The following ACVR2A variants were observed in gnomAD, a reference collection of about 807,000 sequenced individuals.
The protein encoded by ACVR2A is activin A receptor type 2A.
Under a neutral mutation model 61.4 loss-of-function variants are expected in ACVR2A, and 7 were observed. The observed-to-expected ratio is 0.11, with a 90% CI of 0.06 to 0.21. The LOEUF is 0.21. Ranked by LOEUF, ACVR2A falls within the 10% of genes least tolerant of loss-of-function variation. ACVR2A has a pLI of 1.00. For synonymous variants in ACVR2A, 193 were observed against 208.3 expected, an observed-to-expected ratio of 0.93 and a Z score of 0.63; for missense variants, 322 against 621.7, an observed-to-expected ratio of 0.52 and a Z score of 5.13.
In ACVR2A at chr2:147,864,309, A is replaced by C. The variant is rs543062895; in HGVS notation, c.55+19102A>C. On this transcript the variant is annotated intron_variant, in intron 1 of 10. Coordinates refer to ENST00000241416, the MANE Select transcript of ACVR2A (RefSeq NM_001616.5). Reference sequence around the variant, plus strand: ...CAGTGGCGCGATGTCGGCTCACTGCAACCTCCACCTCCCAGTTTCAAGCAA... The same window carrying C: ...CAGTGGCGCGATGTCGGCTCACTGCCACCTCCACCTCCCAGTTTCAAGCAA... Among the ~76,000 whole-genome samples, 8 of 152,224 alleles carry C rather than the reference A, an allele frequency of 5.3e-5. No homozygotes were observed. In the South Asian group the frequency reaches 1.7e-3, roughly 32 times the overall value.
At chr2:147,920,188 A>G in intron 7 of ACVR2A, 42 bp from the exon 8 acceptor site, 2 of 1,326,806 alleles carry the variant, frequency 1.5e-6, no homozygotes, top group African/African-American at 1.5e-5. Context: ...TTAAAAAGGT[A>G]ACTAGTTTAA....
Position 147,845,128 on chromosome 2 carries a change from C to T in ACVR2A, c.-25C>T, listed in dbSNP as rs1558955747. 2.5e-5 allele frequency: 40 copies of T among 1,607,470 alleles called. No individual in the cohort carries two copies. Among genetic ancestry groups the T allele is most frequent in the Non-Finnish European group, 3.3e-5 (39 of 1,176,980 alleles). The stretch of plus-strand genomic sequence containing the variant: ...ACTGGATATCTAGCGAGAACTTCCT[C>T]CGGATTCCCCGGCGCCTCGGGAAAA... On this transcript the variant is annotated 5_prime_UTR_variant, in exon 1 of 11. Transcript: ENST00000241416.
rs1317080991 is a variant in ACVR2A at position 147,920,339 on chromosome 2, G to A, written c.1072G>A (p.Gly358Arg). Reference protein sequence around the residue: ...EAGKSAGDTHGQVGTRRYMAP... With the variant: ...EAGKSAGDTHRQVGTRRYMAP... ...TGGCAAGTCTGCAGGCGATACCCAT[G>A]GACAGGTAAGGATGATGATTATAAA... Residue 358 changes from glycine (G) to arginine (R), a missense_variant, in exon 8 of 11, where the codon GGA (glycine) becomes AGA (arginine). Gly to Arg is a moderately radical substitution (Grantham distance 125). Around this residue, in one of 3 missense-constraint regions of ACVR2A, gnomAD observed 146 missense variants for 383.8 expected, o/e 0.38. Transcript: ENST00000241416. The A allele has an allele frequency of 6.2e-7, 1 of 1,605,306 alleles. No individual in the cohort carries two copies. The highest frequency in any genetic ancestry group is 1.7e-5 in the Admixed American group (1 of 59,188).
At chr2:147,886,360 G>C (rs1342444045) in intron 1 of ACVR2A, among the ~76,000 whole-genome samples, 1 of 152,172 alleles carries the variant, frequency 6.6e-6, no homozygotes, top group African/African-American at 2.4e-5. Flanking sequence ...CCTGTGGTAG[G>C]CACAAGTTTA....
intron 4 of ACVR2A, among the ~76,000 whole-genome samples, chr2:147,909,091 C>T (rs1352055891): frequency 6.6e-6 from 1 of 152,068 alleles, no homozygotes; most frequent in Non-Finnish European, 1.5e-5. Context: ...AACCACTGTC[C>T]ATTTGGTTGC....
At chr2:147,902,023 GTTAAGTTATA>G (rs941085666) in intron 4 of ACVR2A, among the ~76,000 whole-genome samples, 1 of 151,730 alleles carries the variant, frequency 6.6e-6, no homozygotes, top group African/African-American at 2.4e-5. Context: ...CTAGGGCACT[GTTAAGTTATA>G]TTATACATAA....
chr2:147,899,826 G>A lies in ACVR2A; in HGVS notation c.456G>A (p.Gly152=). 1 of 1,613,762 alleles carries A rather than the reference G, an allele frequency of 6.2e-7. No individual in the cohort carries two copies. Among genetic ancestry groups the A allele is most frequent in the Non-Finnish European group, 8.5e-7 (1 of 1,179,762 alleles). The change falls in exon 4 of 11, where the codon GGG becomes GGA. Residue 152 remains glycine, a synonymous_variant. Coordinates refer to ENST00000241416, the MANE Select transcript of ACVR2A (RefSeq NM_001616.5). ...YSLVPLMLIA[G]IVICAFWVYR... is the part of the protein sequence containing the mutation. ...TGGTGCCACTTATGTTAATTGCGGG[G>A]ATTGTCATTTGTGCATTTTGGGTGT...
intron 6 of ACVR2A, 81 bp from the exon 7 acceptor site, chr2:147,918,366 C>T (rs892776203): frequency 7.9e-7 from 1 of 1,260,420 alleles, no homozygotes; most frequent in African/African-American, 1.5e-5. Context: ...CTCACAACCT[C>T]TTATAGGTAA....
Position 147,929,491 on chromosome 2 carries a change from A to AT in ACVR2A, c.*2217_*2218insT, listed in dbSNP as rs1687600835. 6.6e-6 allele frequency: 1 copy of AT among 152,416 alleles called. No individual in the cohort carries two copies. The highest frequency in any genetic ancestry group is 1.5e-5 in the Non-Finnish European group (1 of 67,974). 9.4% of individuals were successfully genotyped at this position (152,416 alleles called of 1,614,324 possible). On this transcript the variant is annotated 3_prime_UTR_variant, in exon 11 of 11. Coordinates refer to ENST00000241416, the MANE Select transcript of ACVR2A (RefSeq NM_001616.5). ...TATAAAATGTTTTCAAGTTAGAAAAAATTTTTAGAAATCCTGGGTATTGTA... is the reference window on the plus strand; with the variant it reads ...TATAAAATGTTTTCAAGTTAGAAAAATATTTTTAGAAATCCTGGGTATTGTA...
chr2:147,885,505 AAG>A (rs1686409031), intron 1 of ACVR2A, among the ~76,000 whole-genome samples: 1 of 152,162 alleles, frequency 6.6e-6, no homozygotes, highest in African/African-American at 2.4e-5. Context: ...TCACTTTTAA[AAG>A]AGATATGTAA....
At chr2:147,896,770 A>C (rs1322839521) in intron 2 of ACVR2A, 1 of 319,324 alleles carries the variant, frequency 3.1e-6, no homozygotes, top group Non-Finnish European at 5.8e-6. Context: ...CATTTTCCCC[A>C]ATATTGTTAC....
chr2:147,924,756 A>G (rs1379819114), intron 9 of ACVR2A, among the ~76,000 whole-genome samples: 3 of 152,058 alleles, frequency 2.0e-5, no homozygotes, highest in South Asian at 2.1e-4. Context: ...GTGTCATACC[A>G]GATTCTTAGG....
intron 1 of ACVR2A, among the ~76,000 whole-genome samples, chr2:147,846,458 A>G (rs1471138209): frequency 6.6e-6 from 1 of 151,938 alleles, no homozygotes; most frequent in Non-Finnish European, 1.5e-5. Context: ...TGTAATGTAT[A>G]GAATTTTGCT....
At chr2:147,900,510 G>A (rs1686845963) in intron 4 of ACVR2A, 1 of 151,862 alleles carries the variant, frequency 6.6e-6, no homozygotes, top group African/African-American at 2.4e-5. Context: ...TTCTTTTAAG[G>A]CTCTTGATTG....
Position 147,915,238 on chromosome 2 carries a change from G to C in ACVR2A, c.576G>C (p.Leu192=), listed in dbSNP as rs2105213615. 1 of 1,612,362 alleles carries C rather than the reference G, an allele frequency of 6.2e-7. No individual in the cohort carries two copies. Among genetic ancestry groups the C allele is most frequent in the South Asian group, 1.1e-5 (1 of 91,042 alleles). ...PPSPLLGLKP[L]QLLEVKARGR... is the part of the protein sequence containing the mutation. ...CTCCATTACTAGGTTTGAAACCACT[G>C]CAGTTATTAGAAGTGAAAGCAAGGG... The change falls in exon 5 of 11, where the codon CTG becomes CTC. Residue 192 remains leucine (L), a synonymous_variant. Coordinates refer to ENST00000241416, the MANE Select transcript of ACVR2A (RefSeq NM_001616.5).
intron 1 of ACVR2A, among the ~76,000 whole-genome samples, chr2:147,880,414 A>G (rs369890363): frequency 6.6e-6 from 1 of 152,052 alleles, no homozygotes; most frequent in Non-Finnish European, 1.5e-5. Flanking sequence ...TTTATTTTCT[A>G]AAGTCAGTTT....
intron 1 of ACVR2A, among the ~76,000 whole-genome samples, chr2:147,872,505 A>G (rs546192542): frequency 3.3e-5 from 5 of 150,862 alleles, no homozygotes; most frequent in South Asian, 2.1e-4. Flanking sequence ...AAAGTTGTCA[A>G]TGATGTATTT....
At chr2:147,855,465 T>C (rs888501313) in intron 1 of ACVR2A, among the ~76,000 whole-genome samples, 12 of 152,190 alleles carry the variant, frequency 7.9e-5, no homozygotes, top group African/African-American at 2.7e-4. Flanking sequence ...GGGTTATGTG[T>C]TGAGATCACT....
chr2:147,906,196 A>C (rs1271131231), intron 4 of ACVR2A, among the ~76,000 whole-genome samples: 1 of 151,820 alleles, frequency 6.6e-6, no homozygotes, highest in Non-Finnish European at 1.5e-5. Flanking sequence ...TTTTTTTTTA[A>C]ATTAAGATAA....
Sources: allele counts gnomAD v4.1 joint callset (sites outside exome capture counted in the v4.1 genomes callset), GRCh38; gene constraint gnomAD v4.1.1; regional missense constraint gnomAD v4.1.1; transcripts MANE v1.5; gene names NCBI Gene and HGNC (gene_info 2026-07-23, HGNC 2026-07-21).